VPS35L: variants seen among roughly 807,000 people sequenced by gnomAD.
VPS35L encodes the protein VPS35 endosomal protein-sorting factor-like.
A neutral mutation model predicts 133.0 loss-of-function variants in VPS35L; 83 were observed. That is an observed-to-expected ratio of 0.62 (90% CI 0.52 to 0.75). The LOEUF (loss-of-function observed/expected upper bound fraction) is 0.75, where lower values mean the gene tolerates loss of function less well. Among genes scored for constraint, VPS35L ranks in the 30% least tolerant of loss-of-function variants. VPS35L has a pLI of 0.00. For missense variants in VPS35L, 1,083 were observed against 1,206.8 expected (o/e 0.90, Z 1.52); for synonymous variants, 423 against 449.9 (o/e 0.94, Z 0.76).
In VPS35L at chr16:19,581,539, G is replaced by C; in HGVS notation, c.525G>C (p.Glu175Asp). 6.2e-7 allele frequency: 1 copy of C among 1,604,406 alleles called. No individual in the cohort carries two copies. Among genetic ancestry groups the C allele is most frequent in the Non-Finnish European group, 8.5e-7 (1 of 1,174,922 alleles). Residue 175 changes from glutamate (E) to aspartate (D), a missense_variant, in exon 7 of 31, where the codon GAG becomes GAC. By Grantham distance (45) the Glu-to-Asp change is conservative (BLOSUM62 2). Transcript: ENST00000417362. The part of the protein sequence containing the change: ...LDDFEEGSQK[E>D]LLNLTQQDYV... ...TCTCCCCACAGGGTTCCCAAAAGGA[G>C]CTGTTGAACTTGACTCAGCAGGATT...
At chr16:19,578,429 A>C (rs1205223780) in intron 5 of VPS35L, 2 of 406,608 alleles carry the variant, frequency 4.9e-6, no homozygotes, top group Non-Finnish European at 9.5e-6. Flanking sequence ...AGGATTCTGA[A>C]ATAGACGGCC....
chr16:19,558,128 A>G (rs764494094), intron 1 of VPS35L, among the ~76,000 whole-genome samples: 18 of 152,244 alleles, frequency 1.2e-4, no homozygotes, highest in Non-Finnish European at 2.4e-4. Context: ...AGCCTAGAAC[A>G]TAATGGTGAG....
rs147509933 is a variant in VPS35L at position 19,625,097 on chromosome 16, T to G, written c.1225-1080T>G. Among the ~76,000 whole-genome samples the G allele has an allele frequency of 5.7e-4, 87 of 152,088 alleles. No homozygotes were observed. In the East Asian group the frequency reaches 0.015, roughly 26 times the overall value. ...GTTAAAAAAAAAAAATCTGCTTCCT[T>G]TGGCGGAGGCGGGGAAAATAGACTT... On this transcript the variant is annotated intron_variant, in intron 14 of 30. Coordinates refer to ENST00000417362, the MANE Select transcript of VPS35L (RefSeq NM_020314.7).
chr16:19,629,826 T>G lies in VPS35L; in HGVS notation c.1554+6T>G. The G allele has an allele frequency of 1.2e-6, 2 of 1,612,658 alleles. No homozygotes were observed. Among genetic ancestry groups the G allele is most frequent in the Non-Finnish European group, 1.7e-6 (2 of 1,178,658 alleles). On this transcript the variant is annotated splice_donor_region_variant and intron_variant, in intron 18 of 30. Transcript: ENST00000417362. ...ACACCTGCAAGCATTTCACGGTATGTGTGACTGTGGTATTGTTTTTGAAAG... is the reference window on the plus strand; with the variant it reads ...ACACCTGCAAGCATTTCACGGTATGGGTGACTGTGGTATTGTTTTTGAAAG...
chr16:19,568,306 CTTT>C (rs569208292), intron 2 of VPS35L, among the ~76,000 whole-genome samples: 2 of 144,982 alleles, frequency 1.4e-5, no homozygotes, highest in African/African-American at 2.5e-5. Flanking sequence ...CCGCCCCCCC[CTTT>C]TTTTTTTTTG....
chr16:19,583,233 C>G (rs554077954), intron 7 of VPS35L, among the ~76,000 whole-genome samples: 1 of 152,190 alleles, frequency 6.6e-6, no homozygotes, highest in Admixed American at 6.5e-5. Context: ...TCCCCCGAGC[C>G]TGTCTGTAAT....
intron 7 of VPS35L, among the ~76,000 whole-genome samples, chr16:19,586,379 GCC>G (rs1971865627): frequency 6.6e-6 from 1 of 151,888 alleles, no homozygotes; most frequent in Non-Finnish European, 1.5e-5. Flanking sequence ...CGCTCTCGTT[GCC>G]CAGGCTGGAG....
chr16:19,659,532 G>C (rs1567463882), intron 26 of VPS35L, among the ~76,000 whole-genome samples: 1 of 152,216 alleles, frequency 6.6e-6, no homozygotes, highest in Admixed American at 6.5e-5. Context: ...AAGCATTAAT[G>C]TATAAGGTAT....
intron 14 of VPS35L, 61 bp from the exon 15 acceptor site, chr16:19,626,096 TCGACTTTGGAAATCTCTTAG>T: frequency 9.0e-6 from 8 of 892,584 alleles, no homozygotes; most frequent in South Asian, 5.1e-5. Flanking sequence ...ATTTTAGAGT[TCGACTTTGGAAATCTCTTAG>T]AAATGTTACT....
intron 23 of VPS35L, among the ~76,000 whole-genome samples, chr16:19,646,441 G>A (rs373093652): frequency 2.1e-4 from 32 of 152,288 alleles, no homozygotes; most frequent in African/African-American, 7.7e-4. Context: ...GGCTGAGGCA[G>A]GTGGATCACC....
rs1393536554 is a variant in VPS35L, at chr16:19,652,015, G to A, written c.2146G>A (p.Ala716Thr). 21 of 1,613,454 alleles carry A rather than the reference G, an allele frequency of 1.3e-5. No individual in the cohort carries two copies. Among genetic ancestry groups the A allele is most frequent in the African/African-American group, 2.7e-5 (2 of 74,904 alleles). Residue 716 changes from alanine to threonine, a missense_variant, in exon 26 of 31, where the codon GCG (alanine) becomes ACG (threonine). By Grantham distance (58) the Ala-to-Thr change is moderately conservative. Transcript: ENST00000417362. ...AYCFITIPSL[A>T]GIFTRLNLYL... ...CTGCTTCATCACCATCCCCTCCCTG[G>A]CGGGCATCTTCACACGTCTCAATCT...
At chr16:19,670,364 C>T (rs185947153) in intron 27 of VPS35L, among the ~76,000 whole-genome samples, 61 of 152,330 alleles carry the variant, frequency 4.0e-4, no homozygotes, top group Middle Eastern at 3.4e-3. Flanking sequence ...ACCAAGATGT[C>T]CAGCATGGAA....
chr16:19,644,811 C>A (rs936674797), intron 22 of VPS35L, 75 bp from the exon 23 acceptor site: 1 of 1,040,150 alleles, frequency 9.6e-7, no homozygotes, highest in Non-Finnish European at 1.4e-6. Context: ...AAATTACTTA[C>A]CCCTTGTGTA....
intron 14 of VPS35L, among the ~76,000 whole-genome samples, chr16:19,619,334 T>C (rs1973002718): frequency 6.6e-6 from 1 of 152,116 alleles, no homozygotes; most frequent in Non-Finnish European, 1.5e-5. Context: ...ATCTTGTACT[T>C]CAGGTGAATA....
chr16:19,568,121 T>G (rs893358353), intron 2 of VPS35L, among the ~76,000 whole-genome samples: 14 of 152,152 alleles, frequency 9.2e-5, no homozygotes, highest in Non-Finnish European at 1.6e-4. Flanking sequence ...AGTTTATTAT[T>G]TAGTATTTAC....
intron 25 of VPS35L, 98 bp from the exon 26 acceptor site, chr16:19,651,878 G>C: frequency 1.1e-6 from 1 of 892,882 alleles, no homozygotes; most frequent in East Asian, 2.7e-5. Context: ...ATTCACTGTT[G>C]TAAGTTTCTT....
intron 27 of VPS35L, among the ~76,000 whole-genome samples, chr16:19,671,882 A>T (rs1326370807): frequency 6.6e-6 from 1 of 152,220 alleles, no homozygotes; most frequent in African/African-American, 2.4e-5. Flanking sequence ...CTTAATGTGC[A>T]TGGGAATCTC....
chr16:19,580,122 C>G (rs547337432), intron 6 of VPS35L, among the ~76,000 whole-genome samples: 1 of 151,842 alleles, frequency 6.6e-6, no homozygotes, highest in East Asian at 2.0e-4. Flanking sequence ...ATTGCTTGAA[C>G]CCAAGAGATG....
At chr16:19,640,977 G>C (rs138679405) in intron 21 of VPS35L, among the ~76,000 whole-genome samples, 3 of 152,206 alleles carry the variant, frequency 2.0e-5, no homozygotes, top group African/African-American at 7.2e-5. Context: ...TCATCTCCTG[G>C]GCTCAAGCCA....
Sources: allele counts gnomAD v4.1 joint callset (sites outside exome capture counted in the v4.1 genomes callset), GRCh38; gene constraint gnomAD v4.1.1; transcripts MANE v1.5; gene names NCBI Gene and HGNC (gene_info 2026-07-23, HGNC 2026-07-21).